Variants in SCIMP observed in about 807,000 individuals in gnomAD.
SCIMP encodes SLP adapter and CSK-interacting membrane protein.
In SCIMP, 18 loss-of-function variants were observed where a neutral mutation model predicts 22.0. The observed-to-expected ratio is 0.82, with a 90% CI of 0.56 to 1.21. SCIMP has a LOEUF of 1.21. Among genes scored for constraint, SCIMP ranks in the 50% most tolerant of loss-of-function variants. The probability of loss-of-function intolerance (pLI) is 0.00; values close to 1 mark genes in which losing one functional copy is unlikely to be tolerated. For synonymous variants in SCIMP, 53 were observed against 62.2 expected, an observed-to-expected ratio of 0.85 and a Z score of 0.70; for missense variants, 155 against 171.2, an observed-to-expected ratio of 0.91 and a Z score of 0.53.
intron 1 of SCIMP, chr17:5,234,020 C>T (rs1356170962): frequency 6.6e-6 from 1 of 152,372 alleles, no homozygotes; most frequent in Non-Finnish European, 1.5e-5. Context: ...ACGGTAATCC[C>T]AGCACTTTGG....
intron 1 of SCIMP, among the ~76,000 whole-genome samples, chr17:5,227,872 G>A (rs1204104099): frequency 6.6e-6 from 1 of 151,744 alleles, no homozygotes; most frequent in Non-Finnish European, 1.5e-5. Flanking sequence ...ACTACCCCCT[G>A]CAATATGTAT....
At chr17:5,225,565 A>G (rs575462998) in intron 1 of SCIMP, among the ~76,000 whole-genome samples, 2 of 152,220 alleles carry the variant, frequency 1.3e-5, no homozygotes, top group East Asian at 3.9e-4. Flanking sequence ...GTTCGAAACC[A>G]GCTTGGCCAT....
chr17:5,234,314 G>A (rs1303734231), intron 1 of SCIMP, among the ~76,000 whole-genome samples: 2 of 151,776 alleles, frequency 1.3e-5, no homozygotes, highest in Non-Finnish European at 2.9e-5. Flanking sequence ...TCAGTGCCTC[G>A]CTCCCACCCC....
chr17:5,226,068 A>G (rs367972803), intron 1 of SCIMP, among the ~76,000 whole-genome samples: 1 of 152,126 alleles, frequency 6.6e-6, no homozygotes, highest in Non-Finnish European at 1.5e-5. Context: ...GAGGAAAAAC[A>G]CCGCTTGCAG....
At chr17:5,215,921 G>A (rs932082569) in intron 3 of SCIMP, among the ~76,000 whole-genome samples, 1 of 152,112 alleles carries the variant, frequency 6.6e-6, no homozygotes, top group African/African-American at 2.4e-5. Context: ...TGGGCAAGGT[G>A]GCTGACATTG....
At chr17:5,234,707 C>T (rs780971423) in intron 1 of SCIMP, 28 bp downstream of exon 1, 2 of 1,610,694 alleles carry the variant, frequency 1.2e-6, no homozygotes, top group Non-Finnish European at 1.7e-6. Context: ...GAGCAGGAAA[C>T]TGTCCCTTGG....
chr17:5,233,398 G>T (rs2074718012), intron 1 of SCIMP, among the ~76,000 whole-genome samples: 1 of 152,036 alleles, frequency 6.6e-6, no homozygotes, highest in African/African-American at 2.4e-5. Flanking sequence ...TTTTGAGATG[G>T]AGTCTTGCTC....
At chr17:5,213,217 G>C in intron 4 of SCIMP, 1 of 984,246 alleles carries the variant, frequency 1.0e-6, no homozygotes. Flanking sequence ...AGGCTATTGG[G>C]TGCGTCGGTA....
intron 3 of SCIMP, among the ~76,000 whole-genome samples, chr17:5,219,789 T>G (rs963025591): frequency 2.0e-5 from 3 of 152,184 alleles, no homozygotes; most frequent in South Asian, 2.1e-4. Flanking sequence ...AGGTATTCCA[T>G]GCCTACATGA....
In SCIMP at chr17:5,209,116, A is replaced by G. The variant is rs1325355535; in HGVS notation, c.*1685T>C. 1 of 151,952 alleles carries G rather than the reference A, an allele frequency of 6.6e-6. No individual in the cohort carries two copies. Among genetic ancestry groups the G allele is most frequent in the African/African-American group, 2.4e-5 (1 of 41,296 alleles). 9.4% of individuals were successfully genotyped at this position (151,952 alleles called of 1,614,324 possible). A position where few individuals can be genotyped will look rare whatever the true frequency, so the allele number is the denominator to read the frequency against. ...AGTTAGATAACTACTGGCCTAACAT[A>G]AGGAGGGTTTATTTATTTATTTATT... On this transcript the variant is annotated 3_prime_UTR_variant, in exon 5 of 5. Transcript: ENST00000574081.
rs559945466 is a variant in SCIMP at position 5,219,533 on chromosome 17, C to G, written c.209+1754G>C. ...ATCCCAGCTGCTTAGGAAGCTGAGG[C>G]AGGAGAAGCACTTGAACCTGGGAGG... On this transcript the variant is annotated intron_variant, in intron 3 of 4. Transcript: ENST00000574081. Among the ~76,000 whole-genome samples the G allele has an allele frequency of 1.9e-4, 29 of 151,934 alleles. 1 individual carries two copies. In the South Asian group the frequency reaches 5.8e-3, roughly 30 times the overall value.
chr17:5,227,292 A>ACACACACAC (rs35959402), intron 1 of SCIMP, among the ~76,000 whole-genome samples: 4 of 144,216 alleles, frequency 2.8e-5, no homozygotes, highest in Admixed American at 6.9e-5. Context: ...ACACACACAC[A>ACACACACAC]ACACACACAC....
At chr17:5,234,538 C>T in intron 1 of SCIMP, 197 bp downstream of exon 1, 2 of 611,278 alleles carry the variant, frequency 3.3e-6, no homozygotes, top group Non-Finnish European at 5.8e-6. Context: ...GGTCACTCAG[C>T]CAGTTACCAG....
rs1043160579 is a variant in SCIMP at position 5,209,042 on chromosome 17, G to A, written c.*1759C>T. 6.6e-6 allele frequency: 1 copy of A among 152,210 alleles called. No individual in the cohort carries two copies. The highest frequency in any genetic ancestry group is 2.1e-4 in the South Asian group (1 of 4,830). The allele number at this position is 152,210 out of a possible 1,614,324, so 9.4% of individuals were successfully genotyped here. On this transcript the variant is annotated 3_prime_UTR_variant, in exon 5 of 5. Coordinates refer to ENST00000574081, the MANE Select transcript of SCIMP (RefSeq NM_207103.3). ...GGCTTATTTTTGTTCTATAATTTGGGAAGAGTCCTCTCTTTGGCTGGTGGG... is the reference window on the plus strand; with the variant it reads ...GGCTTATTTTTGTTCTATAATTTGGAAAGAGTCCTCTCTTTGGCTGGTGGG...
At chr17:5,231,499 C>T (rs1017578817) in intron 1 of SCIMP, among the ~76,000 whole-genome samples, 6 of 152,110 alleles carry the variant, frequency 3.9e-5, no homozygotes, top group Non-Finnish European at 5.9e-5. Context: ...GATGTCAGAG[C>T]GCCAAAAACT....
chr17:5,221,057 CAAA>C (rs137985713), intron 3 of SCIMP: 372 of 523,822 alleles, frequency 7.1e-4, no homozygotes, highest in Middle Eastern at 1.1e-3. Context: ...GACTCCATCT[CAAA>C]AAAAAAAAAA....
rs762650028 is a variant in SCIMP at position 5,215,008 on chromosome 17, GAGAA to G, written c.210-14_210-11del. The G allele has an allele frequency of 7.6e-6, 12 of 1,571,968 alleles. No homozygotes were observed. The highest frequency in any genetic ancestry group is 2.2e-5 in the South Asian group (2 of 90,038). The stretch of plus-strand genomic sequence containing the variant: ...CTCATTAAGAACATTCCTAGAGAGA[GAGAA>G]AGAGAGAGAATCAGTGTTTGGTTTG... On this transcript the variant is annotated splice_polypyrimidine_tract_variant and intron_variant, in intron 3 of 4. Transcript: ENST00000574081.
At chr17:5,216,932 G>A (rs1317673568) in intron 3 of SCIMP, among the ~76,000 whole-genome samples, 1 of 152,098 alleles carries the variant, frequency 6.6e-6, no homozygotes, top group African/African-American at 2.4e-5. Context: ...TAAACTCTAA[G>A]AAAACTTCCT....
intron 2 of SCIMP, among the ~76,000 whole-genome samples, chr17:5,222,608 T>C (rs2074616775): frequency 6.6e-6 from 1 of 152,124 alleles, no homozygotes. Flanking sequence ...AAGGCAATCA[T>C]GGTGGCCAAA....
Sources: gnomAD v4.1 joint callset for allele counts (sites outside exome capture counted in the v4.1 genomes callset) on GRCh38, gnomAD v4.1.1 for gene constraint, MANE v1.5 for transcripts, NCBI Gene and HGNC (gene_info 2026-07-23, HGNC 2026-07-21) for gene names.